TSPEAR: variants seen among roughly 807,000 people sequenced by gnomAD.
TSPEAR encodes thrombospondin type laminin G domain and EAR repeats, also known as thrombospondin-type laminin G domain and EAR repeat-containing protein.
A neutral mutation model predicts 71.6 loss-of-function variants in TSPEAR; 69 were observed. The observed-to-expected ratio is 0.96, with a 90% CI of 0.79 to 1.18. The LOEUF is 1.18. TSPEAR is among the 50% of genes most tolerant of loss of function. The probability of loss-of-function intolerance (pLI) is 0.00; values close to 1 mark genes in which losing one functional copy is unlikely to be tolerated. For missense variants in TSPEAR, 971 were observed against 894.9 expected (o/e 1.09, Z -1.09); for synonymous variants, 402 against 387.2 (o/e 1.04, Z -0.45).
chr21:44,655,136 G>A (rs1477572636), intron 1 of TSPEAR, among the ~76,000 whole-genome samples: 5 of 152,224 alleles, frequency 3.3e-5, no homozygotes, highest in Non-Finnish European at 4.4e-5. Flanking sequence ...GTGCCAGGCT[G>A]TGATTATCTC....
intron 1 of TSPEAR, among the ~76,000 whole-genome samples, chr21:44,667,331 A>G (rs1985840202): frequency 6.6e-6 from 1 of 152,132 alleles, no homozygotes; most frequent in South Asian, 2.1e-4. Context: ...GTAGAACAGG[A>G]CGTGTCTAGC....
At chr21:44,538,248 C>G (rs1251281999) in intron 2 of TSPEAR, among the ~76,000 whole-genome samples, 2 of 152,180 alleles carry the variant, frequency 1.3e-5, no homozygotes, top group African/African-American at 4.8e-5. Context: ...CATGCGCTGC[C>G]TGATCTTACC....
intron 1 of TSPEAR, among the ~76,000 whole-genome samples, chr21:44,643,252 G>T (rs1984119902): frequency 6.6e-6 from 1 of 152,214 alleles, no homozygotes; most frequent in Non-Finnish European, 1.5e-5. Flanking sequence ...TCGAGGGCCA[G>T]GGGGTGCAGG....
rs1555953530 is a variant in TSPEAR at position 44,711,191 on chromosome 21, A to C, written c.82+242T>G. On this transcript the variant is annotated intron_variant, in intron 1 of 11. Transcript: ENST00000323084. This position sits in a 1 kb window ranked among gnomAD's most constrained non-coding sequence, Gnocchi z 4.5. ...TGGTTAGCTCTTGAAGCTCGTCCCC[A>C]CCCTGCGTGCGTTCTAAAGAGCCGC... Among the ~76,000 whole-genome samples, 1 of 151,734 alleles carries C rather than the reference A, an allele frequency of 6.6e-6. No homozygotes were observed. The highest frequency in any genetic ancestry group is 2.4e-5 in the African/African-American group (1 of 41,258).
chr21:44,612,009 A>ATACC lies in TSPEAR; in HGVS notation c.83-44008_83-44005dup. ...GGCTTGTGAGACTCCTGTGAGGAAA[A>ATACC]TACCCAGGGAGGGTATAAAACCTCA... is the stretch of plus-strand genomic sequence containing the variant. On this transcript the variant is annotated intron_variant, in intron 1 of 11. Coordinates refer to ENST00000323084, the MANE Select transcript of TSPEAR (RefSeq NM_144991.3). The surrounding 1 kb of genome is among the most constrained non-coding windows in gnomAD (Gnocchi z 4.1). 1 of 1,333,340 alleles carries ATACC rather than the reference A, an allele frequency of 7.5e-7. No homozygotes were observed. The highest frequency in any genetic ancestry group is 1.0e-6 in the Non-Finnish European group (1 of 956,244). The allele number at this position is 1,333,340 out of a possible 1,614,324, so 82.6% of individuals were successfully genotyped here. A position where few individuals can be genotyped will look rare whatever the true frequency, so the allele number is the denominator to read the frequency against.
chr21:44,509,036 C>T, intron 10 of TSPEAR, 163 bp downstream of exon 10: 1 of 1,396,492 alleles, frequency 7.2e-7, no homozygotes, highest in Admixed American at 2.1e-5. Flanking sequence ...AGTCCCCAGG[C>T]CATTCTTTCC....
intron 9 of TSPEAR, chr21:44,516,255 T>C (rs1555913412): frequency 6.6e-6 from 1 of 152,266 alleles, no homozygotes; most frequent in African/African-American, 2.4e-5. Context: ...TGAAGGGAGC[T>C]GTGCTCCACA....
intron 2 of TSPEAR, among the ~76,000 whole-genome samples, chr21:44,549,963 C>T (rs2053375575): frequency 6.6e-6 from 1 of 152,234 alleles, no homozygotes; most frequent in African/African-American, 2.4e-5. Context: ...CTGAGTGGAA[C>T]TCCCTGAGCG....
rs1242206261 is a variant in TSPEAR at position 44,711,282 on chromosome 21, C to T, written c.82+151G>A. On this transcript the variant is annotated intron_variant, in intron 1 of 11. Transcript: ENST00000323084. This position sits in a 1 kb window ranked among gnomAD's most constrained non-coding sequence, Gnocchi z 4.5. Reference sequence around the variant, plus strand: ...CACCTGTGCTCCTCCCGCCTCTGCCCATCTCCACAGGGTGCTACCTGCCAG... The same window carrying T: ...CACCTGTGCTCCTCCCGCCTCTGCCTATCTCCACAGGGTGCTACCTGCCAG... 3 of 646,730 alleles carry T rather than the reference C, an allele frequency of 4.6e-6. No individual in the cohort carries two copies. In the Admixed American group the frequency reaches 8.7e-5, roughly 19 times the overall value. 40.1% of individuals were successfully genotyped at this position (646,730 alleles called of 1,614,324 possible).
intron 1 of TSPEAR, among the ~76,000 whole-genome samples, chr21:44,629,407 C>T (rs1169570672): frequency 1.3e-5 from 2 of 152,206 alleles, no homozygotes; most frequent in Non-Finnish European, 1.5e-5. Context: ...ACACAGTCTT[C>T]TCCCTGTGTC....
In TSPEAR at chr21:44,509,115, G is replaced by A. The variant is rs2052282749; in HGVS notation, c.1754+84C>T. The A allele has an allele frequency of 2.8e-5, 41 of 1,467,440 alleles. No homozygotes were observed. The South Asian group carries it at 4.7e-4, about 17-fold the overall frequency. 90.9% of individuals were successfully genotyped at this position (1,467,440 alleles called of 1,614,324 possible). Reference sequence around the variant, plus strand: ...GGCCAGTCTTTCCACGGGAAGGGTGGTGAGGATGAGCCTAACGGGGATTCC... The same window carrying A: ...GGCCAGTCTTTCCACGGGAAGGGTGATGAGGATGAGCCTAACGGGGATTCC... On this transcript the variant is annotated intron_variant, in intron 10 of 11. Coordinates refer to ENST00000323084, the MANE Select transcript of TSPEAR (RefSeq NM_144991.3).
intron 1 of TSPEAR, chr21:44,690,701 A>G (rs1987089309): frequency 3.5e-6 from 2 of 578,194 alleles, no homozygotes; most frequent in South Asian, 7.6e-5. Flanking sequence ...TTAAGTAAGC[A>G]TATGTGTTTT....
intron 11 of TSPEAR, among the ~76,000 whole-genome samples, chr21:44,504,533 G>GCAGC (rs1569148894): frequency 1.4e-5 from 2 of 144,324 alleles, no homozygotes; most frequent in African/African-American, 5.4e-5. Flanking sequence ...GCCGGCCTCG[G>GCAGC]TGAGCCCACA....
chr21:44,567,749 G>T (rs760213094), intron 2 of TSPEAR, 36 bp downstream of exon 2: 4 of 1,502,702 alleles, frequency 2.7e-6, no homozygotes, highest in Non-Finnish European at 3.6e-6. Context: ...GGAAAATTAC[G>T]CTATTATAAC....
In TSPEAR at chr21:44,506,409, G is replaced by A. The variant is rs1687043658; in HGVS notation, c.1755-1528C>T. Among the ~76,000 whole-genome samples, 1 of 152,258 alleles carries A rather than the reference G, an allele frequency of 6.6e-6. No homozygotes were observed. Among genetic ancestry groups the A allele is most frequent in the African/African-American group, 2.4e-5 (1 of 41,472 alleles). ...CTGTATTCAGCAGCCTCAGGGCTGT[G>A]GCCAGTTCAGGCAGCAGAGGGGCCT... On this transcript the variant is annotated intron_variant, in intron 10 of 11. Coordinates refer to ENST00000323084, the MANE Select transcript of TSPEAR (RefSeq NM_144991.3). The surrounding 1 kb of genome is among the most constrained non-coding windows in gnomAD (Gnocchi z 4.2).
chr21:44,656,025 T>C (rs1318355769), intron 1 of TSPEAR, among the ~76,000 whole-genome samples: 2 of 152,186 alleles, frequency 1.3e-5, no homozygotes, highest in African/African-American at 4.8e-5. Flanking sequence ...AGAGCCGATC[T>C]GTGGCCATGT....
chr21:44,685,124 T>C (rs1986797862), intron 1 of TSPEAR, among the ~76,000 whole-genome samples: 1 of 152,102 alleles, frequency 6.6e-6, no homozygotes, highest in African/African-American at 2.4e-5. Flanking sequence ...TTCATTAACA[T>C]GGTGTCTGAC....
At chr21:44,591,403 T>C in intron 1 of TSPEAR, 1 of 1,609,170 alleles carries the variant, frequency 6.2e-7, no homozygotes, top group Non-Finnish European at 8.5e-7. Context: ...GCTGGACTTC[T>C]GGCCAGAGCA....
chr21:44,550,467 G>A (rs1322381036), intron 2 of TSPEAR: 6 of 734,438 alleles, frequency 8.2e-6, no homozygotes, highest in African/African-American at 7.2e-5. Context: ...CCAGCGGAGG[G>A]TTGTGGTCTG....
Sources: gnomAD v4.1 joint callset for allele counts (sites outside exome capture counted in the v4.1 genomes callset) on GRCh38, gnomAD v4.1.1 for gene constraint, Gnocchi (gnomAD v3.1) non-coding constraint, MANE v1.5 for transcripts, NCBI Gene and HGNC (gene_info 2026-07-23, HGNC 2026-07-21) for gene names.